The following VWA8 variants were observed in gnomAD, a reference collection of about 807,000 sequenced individuals.
VWA8 encodes von Willebrand factor A domain containing 8, also known as von Willebrand factor A domain-containing protein 8.
A neutral mutation model predicts 241.5 loss-of-function variants in VWA8; 221 were observed. The ratio of observed to expected loss-of-function variants is 0.91; its 90% confidence interval spans 0.82 to 1.02. The LOEUF (loss-of-function observed/expected upper bound fraction) is 1.02. VWA8 is among the 50% of genes least tolerant of loss of function. VWA8 has a pLI of 0.00. For missense variants in VWA8, 2,322 were observed against 2,328.7 expected, an observed-to-expected ratio of 1.00 and a Z score of 0.06; for synonymous variants, 852 against 827.1, an observed-to-expected ratio of 1.03 and a Z score of -0.52.
At position 41,686,476 on chromosome 13, in the gene VWA8, T is replaced by C. The variant is rs2045137028; in HGVS notation, c.4132-1234A>G. On this transcript the variant is annotated intron_variant, in intron 34 of 44. Coordinates refer to ENST00000379310, the MANE Select transcript of VWA8 (RefSeq NM_015058.2). The stretch of plus-strand genomic sequence containing the variant: ...TTATTTGCCATCCCTCTATCCTCTT[T>C]GGTTAAGTGTTTGTTCAAGTCTTTT... Among the ~76,000 whole-genome samples the C allele has an allele frequency of 2.6e-5, 4 of 152,224 alleles. No individual in the cohort carries two copies. The South Asian group carries it at 8.3e-4, about 32-fold the overall frequency.
intron 40 of VWA8, among the ~76,000 whole-genome samples, chr13:41,599,201 CA>C (rs1439173389): frequency 6.6e-6 from 1 of 152,100 alleles, no homozygotes; most frequent in East Asian, 1.9e-4. Flanking sequence ...TTTTTGTTCA[CA>C]TTACTACTTA....
chr13:41,584,232 C>CA (rs548884582), intron 42 of VWA8, among the ~76,000 whole-genome samples: 32 of 151,324 alleles, frequency 2.1e-4, no homozygotes, highest in East Asian at 1.9e-3. Context: ...TGAAACCAAA[C>CA]AAAAAAAAGG....
chr13:41,824,607 T>C (rs867300861), intron 14 of VWA8, among the ~76,000 whole-genome samples: 76 of 152,040 alleles, frequency 5.0e-4, no homozygotes, highest in Non-Finnish European at 4.3e-4. Flanking sequence ...GAGGGAGGAC[T>C]GCTTGAGGCT....
At chr13:41,834,163 A>G (rs1871612408) in intron 12 of VWA8, among the ~76,000 whole-genome samples, 1 of 152,266 alleles carries the variant, frequency 6.6e-6, no homozygotes, top group Non-Finnish European at 1.5e-5. Flanking sequence ...AAGCACACAC[A>G]CAATGTGCTA....
At chr13:41,864,564 A>G (rs1477224032) in intron 12 of VWA8, 2 of 428,510 alleles carry the variant, frequency 4.7e-6, no homozygotes, top group African/African-American at 2.1e-5. Flanking sequence ...ATGGTAAGTA[A>G]AATAAACTAG....
At chr13:41,814,259 AT>A (rs1312214107) in intron 16 of VWA8, among the ~76,000 whole-genome samples, 1 of 152,230 alleles carries the variant, frequency 6.6e-6, no homozygotes, top group African/African-American at 2.4e-5. Context: ...GTAAATTATA[AT>A]ACAACTGCAA....
intron 12 of VWA8, among the ~76,000 whole-genome samples, chr13:41,843,598 AAATT>A (rs1283863998): frequency 6.6e-6 from 1 of 152,140 alleles, no homozygotes; most frequent in African/African-American, 2.4e-5. Flanking sequence ...ACCACTAGCG[AAATT>A]AATAAAAAAA....
intron 40 of VWA8, among the ~76,000 whole-genome samples, chr13:41,599,950 C>T (rs1213681080): frequency 1.2e-4 from 18 of 152,082 alleles, no homozygotes; most frequent in African/African-American, 4.8e-5. Flanking sequence ...TGCTTTCAAA[C>T]GCTTTTGCAT....
chr13:41,688,174 G>A (rs545869854), intron 34 of VWA8, among the ~76,000 whole-genome samples: 94 of 152,044 alleles, frequency 6.2e-4, no homozygotes, highest in African/African-American at 2.2e-3. Context: ...TGATAATTAG[G>A]AAAACATACA....
chr13:41,693,098 T>C, intron 29 of VWA8, 126 bp from the exon 30 acceptor site: 1 of 600,978 alleles, frequency 1.7e-6, no homozygotes, highest in Non-Finnish European at 2.8e-6. Context: ...GACAATATTG[T>C]AATACTTAAG....
At chr13:41,801,156 A>AT (rs142053817) in intron 17 of VWA8, among the ~76,000 whole-genome samples, 196 of 151,666 alleles carry the variant, frequency 1.3e-3, no homozygotes, top group Non-Finnish European at 2.2e-3. Flanking sequence ...ATTTTTATTT[A>AT]TTTTTTTAAT....
At chr13:41,883,516 G>A (rs778110645) in intron 8 of VWA8, 25 bp from the exon 9 acceptor site, 1 of 1,536,694 alleles carries the variant, frequency 6.5e-7, no homozygotes, top group South Asian at 1.1e-5. Context: ...AAATACATAG[G>A]AATGAGCAAA....
At chr13:41,660,160 G>C (rs1238723070) in intron 37 of VWA8, among the ~76,000 whole-genome samples, 1 of 151,768 alleles carries the variant, frequency 6.6e-6, no homozygotes, top group African/African-American at 2.4e-5. Flanking sequence ...CTATCACCCA[G>C]GCTGGAGTAC....
At chr13:41,676,719 G>A (rs557682896) in intron 35 of VWA8, among the ~76,000 whole-genome samples, 58 of 152,192 alleles carry the variant, frequency 3.8e-4, no homozygotes, top group African/African-American at 1.3e-3. Flanking sequence ...TGCAACCTCC[G>A]CCTCCTCTGT....
At chr13:41,597,914 G>T (rs1250883002) in intron 40 of VWA8, among the ~76,000 whole-genome samples, 5 of 151,858 alleles carry the variant, frequency 3.3e-5, no homozygotes, top group African/African-American at 1.2e-4. Flanking sequence ...TCAACTCCCA[G>T]CAGTATTTGA....
chr13:41,960,699 G>A (rs1407375643), intron 1 of VWA8, among the ~76,000 whole-genome samples, 154 bp downstream of exon 1: 2 of 152,206 alleles, frequency 1.3e-5, no homozygotes, highest in Non-Finnish European at 2.9e-5. Flanking sequence ...AGTTAGCGCC[G>A]AGGTCGGGAC....
intron 26 of VWA8, among the ~76,000 whole-genome samples, chr13:41,712,398 G>T (rs550206248): frequency 1.8e-4 from 28 of 152,190 alleles, no homozygotes; most frequent in Non-Finnish European, 3.1e-4. Flanking sequence ...AATAAAAAAA[G>T]ATTTAAGATA....
intron 34 of VWA8, among the ~76,000 whole-genome samples, chr13:41,686,720 T>C (rs1349683735): frequency 6.6e-6 from 1 of 152,160 alleles, no homozygotes; most frequent in Non-Finnish European, 1.5e-5. Flanking sequence ...TATATTTACT[T>C]TCTTGCTCAA....
At chr13:41,685,293 C>A in intron 34 of VWA8, 51 bp from the exon 35 acceptor site, 1 of 1,535,506 alleles carries the variant, frequency 6.5e-7, no homozygotes, top group Middle Eastern at 1.7e-4. Flanking sequence ...ACTACATTCA[C>A]CACAACCTTA....
Sources: allele counts gnomAD v4.1 joint callset (sites outside exome capture counted in the v4.1 genomes callset), GRCh38; gene constraint gnomAD v4.1.1; transcripts MANE v1.5; gene names NCBI Gene and HGNC (gene_info 2026-07-23, HGNC 2026-07-21).